Variants in CASZ1 observed in about 807,000 individuals in gnomAD.
CASZ1 encodes castor zinc finger 1, also known as zinc finger protein castor homolog 1.
Under a neutral mutation model 135.2 loss-of-function variants are expected in CASZ1, and 28 were observed. The observed-to-expected ratio is 0.21, with a 90% CI of 0.15 to 0.28. The LOEUF (loss-of-function observed/expected upper bound fraction) is 0.28. CASZ1 is among the 10% of genes least tolerant of loss of function. The probability of loss-of-function intolerance (pLI) is 1.00; values close to 1 mark genes in which losing one functional copy is unlikely to be tolerated. For synonymous variants in CASZ1, 1,068 were observed against 1,073.4 expected (o/e 0.99, Z 0.10); for missense variants, 2,161 against 2,453.3 (o/e 0.88, Z 2.52).
At chr1:10,673,644 G>A (rs772220397) in intron 4 of CASZ1, among the ~76,000 whole-genome samples, 1 of 152,158 alleles carries the variant, frequency 6.6e-6, no homozygotes. Context: ...AGGGAAACGC[G>A]CTGCTTGGAA....
At position 10,699,920 on chromosome 1, in the gene CASZ1, A is replaced by C. The variant is rs56929957; in HGVS notation, c.-24+5572T>G. On this transcript the variant is annotated intron_variant, in intron 3 of 20. Coordinates refer to ENST00000377022, the MANE Select transcript of CASZ1 (RefSeq NM_001079843.3). This position sits in a 1 kb window ranked among gnomAD's most constrained non-coding sequence, Gnocchi z 4.6. Reference sequence around the variant, plus strand: ...AAACGTGGAGTGTGAGAGAAGAGAGAGGTAGGTGGGAAGAAAAAGGTGAGA... The same window carrying C: ...AAACGTGGAGTGTGAGAGAAGAGAGCGGTAGGTGGGAAGAAAAAGGTGAGA... Among the ~76,000 whole-genome samples the C allele has an allele frequency of 0.071, 10,753 of 151,966 alleles. 1,223 individuals carry two copies. Among genetic ancestry groups the C allele is most frequent in the African/African-American group, 0.25 (10,145 of 41,340 alleles).
intron 2 of CASZ1, among the ~76,000 whole-genome samples, chr1:10,728,040 C>T (rs1239650703): frequency 2.0e-5 from 3 of 152,244 alleles, no homozygotes; most frequent in Admixed American, 6.5e-5. Flanking sequence ...CCGGGCTCCC[C>T]GTCAACACAT....
At chr1:10,703,060 G>C (rs1437105302) in intron 3 of CASZ1, among the ~76,000 whole-genome samples, 1 of 151,834 alleles carries the variant, frequency 6.6e-6, no homozygotes, top group African/African-American at 2.4e-5. Context: ...ATGCAGAGAG[G>C]AGGCCTGGAG....
intron 2 of CASZ1, among the ~76,000 whole-genome samples, chr1:10,748,615 C>T (rs1557549276): frequency 1.3e-5 from 2 of 152,174 alleles, no homozygotes. Flanking sequence ...CTCCATGGTA[C>T]CTCTTTCTCG....
In CASZ1 at chr1:10,720,256, T is replaced by C. The variant is rs1244530094; in HGVS notation, c.-76-14712A>G. Reference sequence around the variant, plus strand: ...AGGGTAAAGCTCTTAGCAAAGTGTCTACACATTTCTATGTGGAAAATGTGG... The same window carrying C: ...AGGGTAAAGCTCTTAGCAAAGTGTCCACACATTTCTATGTGGAAAATGTGG... On this transcript the variant is annotated intron_variant, in intron 2 of 20. Transcript: ENST00000377022. This position sits in a 1 kb window ranked among gnomAD's most constrained non-coding sequence, Gnocchi z 5.7. 2.0e-5 allele frequency among the ~76,000 whole-genome samples: 3 copies of C among 152,260 alleles called. No individual in the cohort carries two copies. The highest frequency in any genetic ancestry group is 4.4e-5 in the Non-Finnish European group (3 of 68,042).
At chr1:10,734,000 T>C (rs1639748634) in intron 2 of CASZ1, among the ~76,000 whole-genome samples, 1 of 152,184 alleles carries the variant, frequency 6.6e-6, no homozygotes, top group African/African-American at 2.4e-5. Flanking sequence ...GTCTCACCCC[T>C]AACAGGTCCA....
intron 2 of CASZ1, among the ~76,000 whole-genome samples, chr1:10,752,137 C>A (rs1233046657): frequency 6.6e-6 from 1 of 152,198 alleles, no homozygotes; most frequent in Non-Finnish European, 1.5e-5. Context: ...GAGAGGGCAG[C>A]AGACGGGGAT....
intron 2 of CASZ1, among the ~76,000 whole-genome samples, chr1:10,745,776 T>C (rs933456633): frequency 2.0e-5 from 3 of 152,206 alleles, no homozygotes; most frequent in Non-Finnish European, 4.4e-5. Flanking sequence ...AGGGCACCTA[T>C]GGCCCTACGG....
At position 10,666,753 on chromosome 1, in the gene CASZ1, C is replaced by T. The variant is rs1643248935; in HGVS notation, c.17-1182G>A. Among the ~76,000 whole-genome samples the T allele has an allele frequency of 6.6e-6, 1 of 152,234 alleles. No homozygotes were observed. The highest frequency in any genetic ancestry group is 1.5e-5 in the Non-Finnish European group (1 of 68,040). ...ACGGCAAGCCCACCCACCACACAGCCTGGGACCTGCCACAAAGGCTGGCGA... is the reference window on the plus strand; with the variant it reads ...ACGGCAAGCCCACCCACCACACAGCTTGGGACCTGCCACAAAGGCTGGCGA... On this transcript the variant is annotated intron_variant, in intron 4 of 20. Coordinates refer to ENST00000377022, the MANE Select transcript of CASZ1 (RefSeq NM_001079843.3). This position sits in a 1 kb window ranked among gnomAD's most constrained non-coding sequence, Gnocchi z 5.2.
At chr1:10,770,294 A>G (rs1251370839) in intron 1 of CASZ1, among the ~76,000 whole-genome samples, 1 of 152,110 alleles carries the variant, frequency 6.6e-6, no homozygotes, top group Non-Finnish European at 1.5e-5. Context: ...CATGTCACCC[A>G]GGAGTTTCTT....
chr1:10,772,668 C>T lies in CASZ1; in HGVS notation c.-233-11811G>A, dbSNP rs774921618. On this transcript the variant is annotated intron_variant, in intron 1 of 20. Transcript: ENST00000377022. ...GCCAGTTTAACGAGGGCAGGGTGTC[C>T]ACCTGAGTGCCAGACAGGTGCATGG... 4.6e-5 allele frequency among the ~76,000 whole-genome samples: 7 copies of T among 152,272 alleles called. No homozygotes were observed. In the South Asian group the frequency reaches 1.5e-3, roughly 32 times the overall value.
In CASZ1 at chr1:10,719,144, C is replaced by G. The variant is rs1003467622; in HGVS notation, c.-76-13600G>C. On this transcript the variant is annotated intron_variant, in intron 2 of 20. Coordinates refer to ENST00000377022, the MANE Select transcript of CASZ1 (RefSeq NM_001079843.3). The surrounding 1 kb of genome is among the most constrained non-coding windows in gnomAD (Gnocchi z 4.0). ...TGTTGGCCAGACTAGTCTCGAACTC[C>G]TGACCTCAAGCAATCTGCCCGCTTC... 6.6e-6 allele frequency among the ~76,000 whole-genome samples: 1 copy of G among 152,128 alleles called. No homozygotes were observed. The highest frequency in any genetic ancestry group is 1.5e-5 in the Non-Finnish European group (1 of 68,030).
chr1:10,645,486 T>C lies in CASZ1; in HGVS notation c.3697-398A>G, dbSNP rs1642340835. On this transcript the variant is annotated intron_variant, in intron 17 of 20. Transcript: ENST00000377022. ...CAGAGCTTGCAGTGAGCCGAGATCG[T>C]GCCACTGCACTCCAGCCTGGGTGAC... is the stretch of plus-strand genomic sequence containing the variant. Among the ~76,000 whole-genome samples the C allele has an allele frequency of 2.6e-5, 4 of 152,252 alleles. No individual in the cohort carries two copies. In the South Asian group the frequency reaches 8.3e-4, roughly 32 times the overall value.
chr1:10,760,872 C>T lies in CASZ1; in HGVS notation c.-233-15G>A, dbSNP rs1640360436. The T allele has an allele frequency of 6.6e-6, 1 of 152,186 alleles. No individual in the cohort carries two copies. The highest frequency in any genetic ancestry group is 2.1e-4 in the South Asian group (1 of 4,826). 9.4% of individuals were successfully genotyped at this position (152,186 alleles called of 1,614,324 possible). On this transcript the variant is annotated splice_polypyrimidine_tract_variant and intron_variant, in intron 1 of 20. Coordinates refer to ENST00000377022, the MANE Select transcript of CASZ1 (RefSeq NM_001079843.3). ...GGTCTGTTTGCCTGCCAAAATGAGA[C>T]AGGAAAACAGAAAAGATGAGGCTAC...
intron 2 of CASZ1, among the ~76,000 whole-genome samples, chr1:10,708,410 C>T (rs916732656): frequency 2.0e-5 from 3 of 152,174 alleles, no homozygotes; most frequent in Non-Finnish European, 4.4e-5. Context: ...CTGAAGACAC[C>T]AGCAATGTCT....
intron 2 of CASZ1, among the ~76,000 whole-genome samples, chr1:10,745,176 T>A (rs950788512): frequency 1.5e-4 from 23 of 152,118 alleles, no homozygotes; most frequent in Non-Finnish European, 7.4e-5. Flanking sequence ...GAAACAGAGT[T>A]CTTACCAAAT....
chr1:10,665,621 A>G (rs1486621683), intron 4 of CASZ1, 50 bp from the exon 5 acceptor site: 1 of 1,484,358 alleles, frequency 6.7e-7, no homozygotes, highest in African/African-American at 1.4e-5. Flanking sequence ...AAGGCCAAGA[A>G]CAACCCACCC....
chr1:10,692,609 C>T (rs1228167126), intron 4 of CASZ1, among the ~76,000 whole-genome samples: 3 of 152,214 alleles, frequency 2.0e-5, no homozygotes, highest in Non-Finnish European at 4.4e-5. Context: ...CCACGTCAGA[C>T]CAGCCAAGAT....
intron 2 of CASZ1, among the ~76,000 whole-genome samples, chr1:10,723,504 C>G (rs1639541583): frequency 6.6e-6 from 1 of 152,236 alleles, no homozygotes; most frequent in South Asian, 2.1e-4. Context: ...AGCCTCTCAC[C>G]TGCTGCCTCA....
Sources: gnomAD v4.1 joint callset for allele counts (sites outside exome capture counted in the v4.1 genomes callset) on GRCh38, gnomAD v4.1.1 for gene constraint, Gnocchi (gnomAD v3.1) non-coding constraint, MANE v1.5 for transcripts, NCBI Gene and HGNC (gene_info 2026-07-23, HGNC 2026-07-21) for gene names.